The following SYT14 variants were observed in gnomAD, a reference collection of about 807,000 sequenced individuals.
The protein encoded by SYT14 is synaptotagmin 14.
SYT14 carries 32 observed loss-of-function variants against 74.2 expected under a neutral mutation model. That is an observed-to-expected ratio of 0.43 (90% CI 0.33 to 0.58). SYT14 has a LOEUF of 0.58. Ranked by LOEUF, SYT14 falls within the 20% of genes least tolerant of loss-of-function variation. The pLI is 0.05. For synonymous variants in SYT14, 298 were observed against 337.7 expected, an observed-to-expected ratio of 0.88 and a Z score of 1.29; for missense variants, 791 against 981.8, an observed-to-expected ratio of 0.81 and a Z score of 2.60.
At chr1:210,081,117 G>T (rs1188411921) in intron 5 of SYT14, among the ~76,000 whole-genome samples, 2 of 152,210 alleles carry the variant, frequency 1.3e-5, no homozygotes, top group African/African-American at 4.8e-5. Context: ...TAAGTATTCT[G>T]AGAAGGAGAG....
chr1:210,023,488 C>T (rs1038209751), intron 5 of SYT14, among the ~76,000 whole-genome samples: 5 of 152,054 alleles, frequency 3.3e-5, no homozygotes, highest in African/African-American at 4.8e-5. Context: ...GGATTACAGG[C>T]GCCTGCCACC....
chr1:210,063,424 C>T (rs1226639442), intron 5 of SYT14, among the ~76,000 whole-genome samples: 1 of 151,750 alleles, frequency 6.6e-6, no homozygotes, highest in African/African-American at 2.4e-5. Flanking sequence ...ATTAATTTCT[C>T]TATGACAGTG....
At chr1:210,085,294 G>A (rs1466370378) in intron 5 of SYT14, among the ~76,000 whole-genome samples, 1 of 152,064 alleles carries the variant, frequency 6.6e-6, no homozygotes, top group African/African-American at 2.4e-5. Flanking sequence ...ATTATTTTGG[G>A]TTTTCTACAT....
intron 2 of SYT14, among the ~76,000 whole-genome samples, chr1:210,006,644 T>C (rs1220360185): frequency 6.6e-6 from 1 of 151,976 alleles, no homozygotes; most frequent in Admixed American, 6.5e-5. Context: ...ACATCCCTTA[T>C]AATGCAAATT....
At chr1:209,947,946 G>T (rs1420020978) in intron 1 of SYT14, among the ~76,000 whole-genome samples, 11 of 152,162 alleles carry the variant, frequency 7.2e-5, no homozygotes, top group Non-Finnish European at 1.5e-4. Context: ...GATAGGACTT[G>T]CTGAAGGCCT....
chr1:210,033,859 T>C (rs922853201), intron 5 of SYT14, among the ~76,000 whole-genome samples: 3 of 151,822 alleles, frequency 2.0e-5, no homozygotes, highest in Non-Finnish European at 3.0e-5. Flanking sequence ...CATAACACTT[T>C]ATAAGGAAAA....
chr1:210,145,612 A>G (rs1307364188), intron 7 of SYT14, among the ~76,000 whole-genome samples: 1 of 152,200 alleles, frequency 6.6e-6, no homozygotes, highest in Non-Finnish European at 1.5e-5. Flanking sequence ...GAAAGTCTCT[A>G]ATAGAAATAT....
At position 210,082,531 on chromosome 1, in the gene SYT14, T is replaced by C. The variant is rs529425718; in HGVS notation, c.1313-11791T>C. ...TCATGATGTATTCCCCGTGAGACTA[T>C]GAGTGTAGATAAGCAAGAGAAAACA... On this transcript the variant is annotated intron_variant, in intron 5 of 9. Coordinates refer to ENST00000637265, the Ensembl canonical transcript of SYT14. 5.3e-5 allele frequency among the ~76,000 whole-genome samples: 8 copies of C among 152,320 alleles called. No individual in the cohort carries two copies. The South Asian group carries it at 1.7e-3, about 32-fold the overall frequency.
rs201091464 is a variant in SYT14 at position 210,130,324 on chromosome 1, AC to A, written c.2035-25396del. 3.1e-3 allele frequency among the ~76,000 whole-genome samples: 466 copies of A among 152,294 alleles called. 10 individuals carry two copies. Among genetic ancestry groups the A allele is most frequent in the Admixed American group, 0.026 (404 of 15,282 alleles). On this transcript the variant is annotated intron_variant, in intron 7 of 9. Transcript: ENST00000637265. ...TTTTGAGAGCAGAAAAAAACAAAAAACATTTTAAGATGGATTAAAGTCATTA... is the reference window on the plus strand; with the variant it reads ...TTTTGAGAGCAGAAAAAAACAAAAAAATTTTAAGATGGATTAAAGTCATTA...
chr1:210,046,207 C>T (rs1463303033), intron 5 of SYT14, among the ~76,000 whole-genome samples: 2 of 152,102 alleles, frequency 1.3e-5, no homozygotes, highest in African/African-American at 4.8e-5. Context: ...GATCCTGTCT[C>T]TGCTAAAAGT....
chr1:210,129,251 C>T (rs2082628201), intron 7 of SYT14, among the ~76,000 whole-genome samples: 1 of 152,186 alleles, frequency 6.6e-6, no homozygotes, highest in Non-Finnish European at 1.5e-5. Context: ...TTTCTTCAGG[C>T]ATGACAGAAG....
intron 5 of SYT14, among the ~76,000 whole-genome samples, chr1:210,076,714 A>G (rs989480737): frequency 1.3e-5 from 2 of 152,188 alleles, no homozygotes; most frequent in Non-Finnish European, 2.9e-5. Flanking sequence ...AGCGCTTCAC[A>G]TGGCTGGAGC....
rs116913684 is a variant in SYT14 at position 209,956,415 on chromosome 1, A to G, written c.-486+3659A>G. Among the ~76,000 whole-genome samples the G allele has an allele frequency of 1.6e-4, 24 of 152,282 alleles. No individual in the cohort carries two copies. In the East Asian group the frequency reaches 4.6e-3, roughly 29 times the overall value. On this transcript the variant is annotated intron_variant, in intron 2 of 9. Coordinates refer to ENST00000637265, the Ensembl canonical transcript of SYT14. The stretch of plus-strand genomic sequence containing the variant: ...CAGGCTCCTAGCTTGTGGCTCTGGC[A>G]TCTTCAGCACATGGCTTTGGAGGTT...
At chr1:210,064,311 A>G (rs2081259465) in intron 5 of SYT14, among the ~76,000 whole-genome samples, 1 of 152,016 alleles carries the variant, frequency 6.6e-6, no homozygotes, top group South Asian at 2.1e-4. Context: ...TCTTTAAAGT[A>G]TGCAGGTCTT....
intron 7 of SYT14, among the ~76,000 whole-genome samples, chr1:210,133,913 A>G (rs918961810): frequency 6.7e-6 from 1 of 149,042 alleles, no homozygotes; most frequent in African/African-American, 2.5e-5. Context: ...CACCAACTCC[A>G]TAGGAATGGA....
chr1:210,114,480 G>A (rs1200191541), intron 7 of SYT14, among the ~76,000 whole-genome samples: 1 of 151,014 alleles, frequency 6.6e-6, no homozygotes, highest in African/African-American at 2.5e-5. Context: ...AATTTTTGGA[G>A]CTTTATTTAA....
intron 5 of SYT14, among the ~76,000 whole-genome samples, chr1:210,027,293 T>A (rs1465733564): frequency 6.6e-6 from 1 of 152,036 alleles, no homozygotes; most frequent in Non-Finnish European, 1.5e-5. Context: ...CCCATGCCTG[T>A]AACCTTAATT....
intron 1 of SYT14, among the ~76,000 whole-genome samples, chr1:209,944,649 T>A (rs1002454771): frequency 6.6e-6 from 1 of 152,164 alleles, no homozygotes; most frequent in Non-Finnish European, 1.5e-5. Context: ...TTTTTCAGAC[T>A]ATTTTAATTC....
chr1:210,000,610 C>CTT (rs1404742763), intron 2 of SYT14, among the ~76,000 whole-genome samples: 3 of 115,594 alleles, frequency 2.6e-5, no homozygotes, highest in East Asian at 5.7e-4. Context: ...TGTTTTATGC[C>CTT]TTCTTTTTTT....
Sources: allele counts gnomAD v4.1 joint callset (sites outside exome capture counted in the v4.1 genomes callset), GRCh38; gene constraint gnomAD v4.1.1; transcripts MANE v1.5; gene names NCBI Gene and HGNC (gene_info 2026-07-23, HGNC 2026-07-21).